Variants in TG observed in about 807,000 individuals in gnomAD.
TG encodes the protein thyroglobulin, also known as thyroid hormones.
Under a neutral mutation model 324.7 loss-of-function variants are expected in TG, and 270 were observed. The ratio of observed to expected loss-of-function variants is 0.83; its 90% CI spans 0.75 to 0.92. The LOEUF (loss-of-function observed/expected upper bound fraction) is 0.92, where lower values mean the gene tolerates loss of function less well. Among genes scored for constraint, TG ranks in the 40% least tolerant of loss-of-function variants. TG has a pLI of 0.00. For synonymous variants in TG, 1,401 were observed against 1,327.0 expected (o/e 1.06, Z -1.21); for missense variants, 3,591 against 3,456.4 (o/e 1.04, Z -0.98).
intron 32 of TG, among the ~76,000 whole-genome samples, chr8:132,971,192 A>G (rs956146022): frequency 6.6e-6 from 1 of 152,162 alleles, no homozygotes; most frequent in African/African-American, 2.4e-5. Flanking sequence ...GGGCTTAGTT[A>G]TTGAGTGGAT....
chr8:132,899,701 C>T (rs542017283), intron 14 of TG, among the ~76,000 whole-genome samples: 16 of 152,280 alleles, frequency 1.1e-4, no homozygotes, highest in African/African-American at 3.9e-4. Context: ...TCTGCTTCTC[C>T]TTCCTGGGCA....
At chr8:132,905,041 T>C (rs1234599341) in intron 16 of TG, among the ~76,000 whole-genome samples, 1 of 152,168 alleles carries the variant, frequency 6.6e-6, no homozygotes, top group African/African-American at 2.4e-5. Flanking sequence ...ACCTATCCCA[T>C]AGGGTTGTGG....
intron 24 of TG, among the ~76,000 whole-genome samples, chr8:132,935,114 CT>C (rs1221034531): frequency 7.3e-5 from 11 of 151,276 alleles, no homozygotes; most frequent in African/African-American, 2.7e-4. Context: ...AATCAGCCCT[CT>C]CTTGTTTCCA....
At chr8:133,042,678 CTTTTTTTT>C (rs58739514) in intron 41 of TG, among the ~76,000 whole-genome samples, 21 of 56,726 alleles carry the variant, frequency 3.7e-4, no homozygotes, top group African/African-American at 6.9e-4. Flanking sequence ...CATTCTGTGT[CTTTTTTTT>C]TTTTTTTTTT....
intron 35 of TG, among the ~76,000 whole-genome samples, chr8:133,007,051 A>T (rs1834073141): frequency 1.3e-5 from 2 of 152,136 alleles, no homozygotes; most frequent in Non-Finnish European, 2.9e-5. Flanking sequence ...TGAAGTGTTG[A>T]CTGGAGGTTG....
At chr8:132,942,716 G>A (rs41383448) in intron 26 of TG, among the ~76,000 whole-genome samples, 1,553 of 152,306 alleles carry the variant, frequency 0.01, 25 homozygotes, top group African/African-American at 0.036. Context: ...GAACTAGGCA[G>A]TGTGCGATGC....
intron 27 of TG, among the ~76,000 whole-genome samples, chr8:132,955,370 G>C (rs1246430839): frequency 6.6e-6 from 1 of 152,176 alleles, no homozygotes. Flanking sequence ...ATTTAAGACA[G>C]AACCAATACT....
chr8:132,955,683 C>T (rs1475561628), intron 27 of TG, among the ~76,000 whole-genome samples: 1 of 152,234 alleles, frequency 6.6e-6, no homozygotes, highest in Non-Finnish European at 1.5e-5. Flanking sequence ...GTTGATGTAT[C>T]TGTGACTGCT....
intron 46 of TG, among the ~76,000 whole-genome samples, chr8:133,133,063 C>A (rs1379908885): frequency 6.6e-6 from 1 of 152,178 alleles, no homozygotes; most frequent in Non-Finnish European, 1.5e-5. Flanking sequence ...CTTTATGGGG[C>A]AGCTGGCCTA....
rs372139181 is a variant in TG at position 133,099,194 on chromosome 8, G to T, written c.7572+2821G>T. 3.8e-4 allele frequency among the ~76,000 whole-genome samples: 58 copies of T among 152,364 alleles called. 1 individual carries two copies. The East Asian group carries it at 9.6e-3, about 25-fold the overall frequency. On this transcript the variant is annotated intron_variant, in intron 43 of 47. Coordinates refer to ENST00000220616, the MANE Select transcript of TG (RefSeq NM_003235.5). ...TAAGGGCACAGCAGAGCAGCTGCTA[G>T]CCCTGCTCCATGGCGGTCATCCCAG...
At chr8:133,057,525 G>A (rs1841664795) in intron 41 of TG, among the ~76,000 whole-genome samples, 1 of 152,082 alleles carries the variant, frequency 6.6e-6, no homozygotes, top group Non-Finnish European at 1.5e-5. Context: ...CTTTGCTGGT[G>A]CCTGCCCTGC....
chr8:132,901,658 G>C, intron 16 of TG, 105 bp downstream of exon 16: 1 of 1,256,046 alleles, frequency 8.0e-7, no homozygotes, highest in South Asian at 1.4e-5. Flanking sequence ...TGGGAGGGGA[G>C]GCAGGAAGTG....
At chr8:132,907,049 T>G in intron 17 of TG, 149 bp downstream of exon 17, 3 of 804,870 alleles carry the variant, frequency 3.7e-6, no homozygotes, top group Non-Finnish European at 6.2e-6. Flanking sequence ...TGGGAGAGAG[T>G]CCCATGGAGC....
chr8:132,994,811 T>C, intron 35 of TG: 16 of 1,286,428 alleles, frequency 1.2e-5, no homozygotes, highest in Non-Finnish European at 1.5e-5. Flanking sequence ...GAAGGTGAGA[T>C]GGGGAAAGAG....
chr8:132,943,694 T>C (rs1343375500), intron 26 of TG, among the ~76,000 whole-genome samples: 1 of 152,006 alleles, frequency 6.6e-6, no homozygotes, highest in African/African-American at 2.4e-5. Flanking sequence ...TTGCTCTCCT[T>C]CTCTACCACA....
intron 43 of TG, among the ~76,000 whole-genome samples, chr8:133,108,464 C>G (rs1850008498): frequency 6.6e-6 from 1 of 152,202 alleles, no homozygotes; most frequent in South Asian, 2.1e-4. Flanking sequence ...AGACAATAGA[C>G]ACAGTGCTAA....
At chr8:132,944,180 C>T (rs1563985727) in intron 26 of TG, among the ~76,000 whole-genome samples, 1 of 152,244 alleles carries the variant, frequency 6.6e-6, no homozygotes, top group African/African-American at 2.4e-5. Flanking sequence ...TTCTGTGAAG[C>T]TGTCACTCCA....
chr8:132,926,205 G>A (rs1191081645), intron 22 of TG, among the ~76,000 whole-genome samples: 2 of 152,188 alleles, frequency 1.3e-5, no homozygotes, highest in African/African-American at 2.4e-5. Flanking sequence ...CCCCAGACAG[G>A]TACCTACCTG....
At position 132,923,512 on chromosome 8, in the gene TG, G is replaced by C; in HGVS notation, c.4699+4G>C. 2 of 1,612,134 alleles carry C rather than the reference G, an allele frequency of 1.2e-6. No homozygotes were observed. The highest frequency in any genetic ancestry group is 1.3e-5 in the African/African-American group (1 of 74,978). ...CTTGAGGACTCACAGTGTTTGAGTA[G>C]GTGCTGGGGGTGAAATCAGTCATGG... On this transcript the variant is annotated splice_donor_region_variant and intron_variant, in intron 22 of 47. Transcript: ENST00000220616.
Sources: gnomAD v4.1 joint callset for allele counts (sites outside exome capture counted in the v4.1 genomes callset) on GRCh38, gnomAD v4.1.1 for gene constraint, MANE v1.5 for transcripts, NCBI Gene and HGNC (gene_info 2026-07-23, HGNC 2026-07-21) for gene names.